RTF2: variants seen among roughly 807,000 people sequenced by gnomAD.
RTF2 encodes the protein UPF0549 protein C20orf43.
RTF2 carries 18 observed loss-of-function variants against 38.0 expected under a neutral mutation model. The ratio of observed to expected loss-of-function variants is 0.47; its 90% CI spans 0.33 to 0.70. The LOEUF (loss-of-function observed/expected upper bound fraction) is 0.70. Among genes scored for constraint, RTF2 ranks in the 30% least tolerant of loss-of-function variants. RTF2 has a pLI of 0.02. For synonymous variants in RTF2, 126 were observed against 137.1 expected, an observed-to-expected ratio of 0.92 and a Z score of 0.57; for missense variants, 311 against 379.6, an observed-to-expected ratio of 0.82 and a Z score of 1.50.
chr20:56,482,688 G>A (rs1051386294), intron 4 of RTF2, among the ~76,000 whole-genome samples: 1 of 152,230 alleles, frequency 6.6e-6, no homozygotes, highest in Admixed American at 6.5e-5. Flanking sequence ...AGTGAATTTA[G>A]TGCAGTGTTA....
rs958826892 is a variant in RTF2 at position 56,484,128 on chromosome 20, G to A, written c.416G>A (p.Cys139Tyr). Residue 139 changes from cysteine (C) to tyrosine (Y), a missense_variant, in exon 5 of 9, where the codon TGC becomes TAC. Coordinates refer to ENST00000357348, the MANE Select transcript of RTF2 (RefSeq NM_016407.5). ...NGRHRFCFLR[C>Y]CGCVFSERAL... ...TTCTCCAGGTTCTGCTTCCTTCGGT[G>A]CTGCGGCTGTGTGTTTTCTGAGCGA... 36 of 1,614,004 alleles carry A rather than the reference G, an allele frequency of 2.2e-5. No homozygotes were observed. The African/African-American group carries it at 3.7e-4, about 17-fold the overall frequency.
chr20:56,497,815 G>T, intron 5 of RTF2: 1 of 314,358 alleles, frequency 3.2e-6, no homozygotes. Flanking sequence ...GTGTTCTTAT[G>T]CTCCTTTTTA....
intron 6 of RTF2, 35 bp from the exon 7 acceptor site, chr20:56,516,900 G>T: frequency 6.2e-7 from 1 of 1,606,882 alleles, no homozygotes; most frequent in South Asian, 1.1e-5. Context: ...GAGTGAATCT[G>T]AGCACAGCCT....
chr20:56,504,613 G>T (rs560417634), intron 5 of RTF2, among the ~76,000 whole-genome samples: 2 of 152,204 alleles, frequency 1.3e-5, no homozygotes, highest in Non-Finnish European at 2.9e-5. Flanking sequence ...TGAAGGTGGG[G>T]TCTGACTGCA....
Position 56,486,674 on chromosome 20 carries a change from A to G in RTF2, c.477+2485A>G, listed in dbSNP as rs549981945. Among the ~76,000 whole-genome samples, 4 of 152,300 alleles carry G rather than the reference A, an allele frequency of 2.6e-5. No homozygotes were observed. The South Asian group carries it at 8.3e-4, about 32-fold the overall frequency. On this transcript the variant is annotated intron_variant, in intron 5 of 8. Coordinates refer to ENST00000357348, the MANE Select transcript of RTF2 (RefSeq NM_016407.5). ...AAAAAAATAAATAAATAAATAAAAA[A>G]TAAAGTTAGCAGTTAAAATTAAGCA...
chr20:56,470,893 G>A (rs1259045284), intron 1 of RTF2: 1 of 272,016 alleles, frequency 3.7e-6, no homozygotes, highest in Non-Finnish European at 7.7e-6. Flanking sequence ...TTCTTTATCT[G>A]GCTATTTATT....
intron 4 of RTF2, among the ~76,000 whole-genome samples, chr20:56,478,228 C>T (rs1392706204): frequency 1.3e-5 from 2 of 152,186 alleles, no homozygotes; most frequent in African/African-American, 4.8e-5. Context: ...GTGGCTCCCA[C>T]CTATAATCCC....
intron 4 of RTF2, among the ~76,000 whole-genome samples, chr20:56,480,836 T>G (rs1393862628): frequency 1.3e-5 from 2 of 152,200 alleles, no homozygotes; most frequent in African/African-American, 4.8e-5. Flanking sequence ...TACCATCTTA[T>G]AAGAGTGTTG....
At chr20:56,484,314 G>A in intron 5 of RTF2, 125 bp downstream of exon 5, 1 of 797,726 alleles carries the variant, frequency 1.3e-6, no homozygotes, top group Non-Finnish European at 2.1e-6. Flanking sequence ...CTGCTTCCAT[G>A]GCTCTTGGTT....
chr20:56,471,991 G>T (rs1191991648), intron 1 of RTF2, among the ~76,000 whole-genome samples: 1 of 151,576 alleles, frequency 6.6e-6, no homozygotes, highest in African/African-American at 2.4e-5. Flanking sequence ...TTGGGAGATC[G>T]AGGCAGGAGA....
At chr20:56,490,580 C>G (rs1392214414) in intron 5 of RTF2, among the ~76,000 whole-genome samples, 2 of 152,182 alleles carry the variant, frequency 1.3e-5, no homozygotes, top group African/African-American at 2.4e-5. Flanking sequence ...TTTGGGAGGC[C>G]AAGGCAGGCG....
At chr20:56,517,056 A>T in intron 7 of RTF2, 50 bp from the exon 8 acceptor site, 1 of 1,610,064 alleles carries the variant, frequency 6.2e-7, no homozygotes, top group Non-Finnish European at 8.5e-7. Flanking sequence ...TAATATGTTC[A>T]TGCTTTGTTT....
chr20:56,513,270 A>G, intron 5 of RTF2, 45 bp from the exon 6 acceptor site: 1 of 1,556,712 alleles, frequency 6.4e-7, no homozygotes, highest in Non-Finnish European at 8.7e-7. Context: ...TGGCCTCCCC[A>G]TTGACTGGTG....
intron 5 of RTF2, among the ~76,000 whole-genome samples, chr20:56,489,177 A>C (rs1982954386): frequency 1.3e-5 from 2 of 149,714 alleles, no homozygotes; most frequent in Non-Finnish European, 3.0e-5. Context: ...TGCCTTAGCC[A>C]CCCGAGTAGC....
chr20:56,510,624 CT>C (rs1172396546), intron 5 of RTF2, among the ~76,000 whole-genome samples: 105 of 152,178 alleles, frequency 6.9e-4, no homozygotes, highest in Non-Finnish European at 1.3e-3. Flanking sequence ...GGCCTACCAG[CT>C]TCAGGGTAAA....
At chr20:56,498,596 T>C (rs1028542101) in intron 5 of RTF2, among the ~76,000 whole-genome samples, 2 of 152,212 alleles carry the variant, frequency 1.3e-5, no homozygotes, top group African/African-American at 4.8e-5. Flanking sequence ...ATGTAGTTGT[T>C]TGTCTTGAGT....
intron 5 of RTF2, among the ~76,000 whole-genome samples, chr20:56,492,278 A>G (rs970135386): frequency 2.0e-5 from 3 of 151,478 alleles, no homozygotes; most frequent in East Asian, 4.0e-4. Context: ...GGATTTCGCC[A>G]TGTTGGTCAG....
intron 1 of RTF2, 64 bp from the exon 2 acceptor site, chr20:56,473,237 G>A: frequency 8.5e-7 from 1 of 1,176,860 alleles, no homozygotes; most frequent in Non-Finnish European, 1.3e-6. Context: ...ACTTTTATAT[G>A]TAGAATTGTG....
At chr20:56,515,376 A>C (rs1984958050) in intron 6 of RTF2, among the ~76,000 whole-genome samples, 1 of 152,128 alleles carries the variant, frequency 6.6e-6, no homozygotes, top group Admixed American at 6.5e-5. Flanking sequence ...GTTCGAGACC[A>C]GCCTGGCCAA....
Sources: allele counts gnomAD v4.1 joint callset (sites outside exome capture counted in the v4.1 genomes callset), GRCh38; gene constraint gnomAD v4.1.1; transcripts MANE v1.5; gene names NCBI Gene and HGNC (gene_info 2026-07-23, HGNC 2026-07-21).